The following FGF13 variants were observed in gnomAD, a reference collection of about 807,000 sequenced individuals.
FGF13 encodes fibroblast growth factor 13.
Under a neutral mutation model 19.5 loss-of-function variants are expected in FGF13, and 2 were observed. The observed-to-expected ratio is 0.10, with a 90% CI of 0.04 to 0.32. The LOEUF (loss-of-function observed/expected upper bound fraction) is 0.32. FGF13 is among the 10% of genes least tolerant of loss of function. The probability of loss-of-function intolerance (pLI) is 1.00; values close to 1 mark genes in which losing one functional copy is unlikely to be tolerated. For synonymous variants in FGF13, 72 were observed against 76.9 expected (o/e 0.94, Z 0.33); for missense variants, 113 against 192.7 (o/e 0.59, Z 2.45).
intron 1 of FGF13, among the ~76,000 whole-genome samples, chrX:139,132,867 G>A (rs2083770887): frequency 1.8e-5 from 2 of 111,858 alleles, no homozygotes; most frequent in Admixed American, 9.5e-5. Flanking sequence ...TCTCATTTTA[G>A]TAGAGTGAAA....
At chrX:138,957,364 T>C (rs777818131) in intron 1 of FGF13, among the ~76,000 whole-genome samples, 8 of 112,120 alleles carry the variant, frequency 7.1e-5, no homozygotes, top group Non-Finnish European at 1.1e-4. Context: ...GGAATATATT[T>C]ACTTTTCATC....
chrX:139,000,258 T>C lies in FGF13; in HGVS notation c.-112-135608A>G, dbSNP rs763533911. Among the ~76,000 whole-genome samples, 8 of 111,790 alleles carry C rather than the reference T, an allele frequency of 7.2e-5. No homozygotes were observed. The East Asian group carries it at 2.2e-3, about 31-fold the overall frequency. On this transcript the variant is annotated intron_variant, in intron 1 of 2. Transcript: ENST00000421460. Reference sequence around the variant, plus strand: ...GGAATGGGTAAAAACTGGAAGCATTTCCTTTGAAAACCAGCACAAGACAAG... The same window carrying C: ...GGAATGGGTAAAAACTGGAAGCATTCCCTTTGAAAACCAGCACAAGACAAG...
In FGF13 at chrX:138,835,408, G is replaced by A. The variant is rs146682002; in HGVS notation, c.217+22104C>T. Among the ~76,000 whole-genome samples the A allele has an allele frequency of 5.9e-3, 658 of 111,386 alleles. 3 individuals carry two copies. Among genetic ancestry groups the A allele is most frequent in the Non-Finnish European group, 8.0e-3 (424 of 52,829 alleles). The stretch of plus-strand genomic sequence containing the variant: ...TGAACCCTTTACCATTATGCGATGC[G>A]GATTTTTGTTTTGTTTTGTTTTTTG... On this transcript the variant is annotated intron_variant, in intron 3 of 6. Transcript: ENST00000436198.
chrX:138,895,915 C>T (rs2091501872), intron 1 of FGF13, among the ~76,000 whole-genome samples: 2 of 111,885 alleles, frequency 1.8e-5, no homozygotes, highest in South Asian at 7.4e-4. Context: ...AGGTCAAATA[C>T]TGCATGATAT....
intron 1 of FGF13, among the ~76,000 whole-genome samples, chrX:138,865,450 C>CCT (rs370662542): frequency 0.016 from 1,405 of 89,210 alleles, 27 homozygotes; most frequent in African/African-American, 0.052. Flanking sequence ...CTCTCTCTCT[C>CCT]CTCTCTCTCT....
intron 1 of FGF13, among the ~76,000 whole-genome samples, chrX:139,099,914 G>A (rs887612218): frequency 1.8e-5 from 2 of 110,638 alleles, no homozygotes; most frequent in Non-Finnish European, 3.8e-5. Context: ...GTTAAGTCCA[G>A]AACCATAGCC....
At chrX:138,635,053 C>T (rs1378294238) in intron 4 of FGF13, among the ~76,000 whole-genome samples, 1 of 112,177 alleles carries the variant, frequency 8.9e-6, no homozygotes, top group South Asian at 3.7e-4. Flanking sequence ...CCATGGAATA[C>T]TACTCAGCCA....
intron 3 of FGF13, among the ~76,000 whole-genome samples, chrX:138,812,206 G>T (rs374824675): frequency 8.0e-4 from 89 of 111,498 alleles, no homozygotes; most frequent in African/African-American, 2.9e-3. Context: ...TTAGCATAAT[G>T]TTTTCAAAGT....
rs2089128610 is a variant in FGF13 at position 138,632,438 on chromosome X, C to T, written c.*412G>A. 1 of 113,411 alleles carries T rather than the reference C, an allele frequency of 8.8e-6. No homozygotes were observed. The highest frequency in any genetic ancestry group is 1.8e-5 in the Non-Finnish European group (1 of 54,067). The allele number at this position is 113,411 out of a possible 1,213,427, so 9.3% of individuals were successfully genotyped here. A position where few individuals can be genotyped will look rare whatever the true frequency, so the allele number is the denominator to read the frequency against. On this transcript the variant is annotated 3_prime_UTR_variant, in exon 5 of 5. Transcript: ENST00000315930. ...CATAATTTTGTTTGCCCCGACAAAA[C>T]ATTTAAGCAGTTAATTTTGTTTTGT... is the stretch of plus-strand genomic sequence containing the variant.
At chrX:139,004,214 C>T (rs752340732) in intron 1 of FGF13, among the ~76,000 whole-genome samples, 3 of 112,819 alleles carry the variant, frequency 2.7e-5, no homozygotes, top group Admixed American at 9.3e-5. Flanking sequence ...AGCGCAGCGC[C>T]GGTGGGCTGG....
chrX:139,094,972 T>C (rs773324263), intron 1 of FGF13, among the ~76,000 whole-genome samples: 1 of 112,809 alleles, frequency 8.9e-6, no homozygotes, highest in Non-Finnish European at 1.9e-5. Context: ...CAGAGCTCTG[T>C]CTTGAAACAG....
rs748281790 is a variant in FGF13, at chrX:138,966,702, G to A, written c.-112-102052C>T. On this transcript the variant is annotated intron_variant, in intron 1 of 2. Transcript: ENST00000421460. ...GGATTACGACTCTGGGGGACTGTTG[G>A]AAGGGCATGATTGTGTTTTGAAATG... Among the ~76,000 whole-genome samples the A allele has an allele frequency of 2.7e-3, 306 of 111,717 alleles. 1 individual carries two copies. Among genetic ancestry groups the A allele is most frequent in the Non-Finnish European group, 4.9e-3 (262 of 53,128 alleles).
At chrX:139,149,725 CT>C (rs1184477801) in intron 1 of FGF13, among the ~76,000 whole-genome samples, 4 of 112,033 alleles carry the variant, frequency 3.6e-5, no homozygotes, top group African/African-American at 1.3e-4. Context: ...TCTGTGGTCT[CT>C]TATTTAAAGG....
intron 1 of FGF13, among the ~76,000 whole-genome samples, chrX:138,886,577 G>A (rs1164946302): frequency 1.8e-5 from 2 of 111,825 alleles, no homozygotes; most frequent in Non-Finnish European, 3.8e-5. Flanking sequence ...GTAGTTTCAT[G>A]ACCTTGGGCT....
chrX:138,963,985 G>T (rs1289643578), intron 1 of FGF13, among the ~76,000 whole-genome samples: 2 of 111,737 alleles, frequency 1.8e-5, no homozygotes, highest in Admixed American at 9.6e-5. Context: ...CAGGCAGTGG[G>T]CTAGGAGACT....
chrX:138,914,206 A>G (rs2091606471), intron 1 of FGF13, among the ~76,000 whole-genome samples: 1 of 106,843 alleles, frequency 9.4e-6, no homozygotes, highest in Admixed American at 1.0e-4. Flanking sequence ...GCTCATGGCC[A>G]ATAAAGTATT....
intron 1 of FGF13, among the ~76,000 whole-genome samples, chrX:139,039,848 A>C (rs1242489392): frequency 8.9e-6 from 1 of 111,905 alleles, no homozygotes; most frequent in African/African-American, 3.2e-5. Context: ...GGCAAAGAGA[A>C]CACCTGCAGA....
rs1227523192 is a variant in FGF13, at chrX:138,616,549, T to A, written c.*16301A>T. 8.9e-6 allele frequency: 1 copy of A among 112,265 alleles called. No individual in the cohort carries two copies. Among genetic ancestry groups the A allele is most frequent in the African/African-American group, 3.2e-5 (1 of 30,872 alleles). The allele number at this position is 112,265 out of a possible 1,213,427, so 9.3% of individuals were successfully genotyped here. On this transcript the variant is annotated 3_prime_UTR_variant, in exon 5 of 5. Transcript: ENST00000315930. ...GCCAGTGGCTTTTCCAGGTGCATGG[T>A]GCAAGCTATTGGTGGATCTACCATT...
At chrX:138,955,279 G>C (rs1160895309) in intron 1 of FGF13, among the ~76,000 whole-genome samples, 1 of 112,453 alleles carries the variant, frequency 8.9e-6, no homozygotes, top group Non-Finnish European at 1.9e-5. Flanking sequence ...AACAGTTATC[G>C]GCTAAACCAA....
Sources: allele counts gnomAD v4.1 joint callset (sites outside exome capture counted in the v4.1 genomes callset), GRCh38; gene constraint gnomAD v4.1.1; transcripts MANE v1.5; gene names NCBI Gene and HGNC (gene_info 2026-07-23, HGNC 2026-07-21).